The following BDNF variants were observed in gnomAD, a reference collection of about 807,000 sequenced individuals.
BDNF encodes brain derived neurotrophic factor.
In BDNF, 1 loss-of-function variant was observed where a neutral mutation model predicts 19.5. That is an observed-to-expected ratio of 0.05 (90% CI 0.02 to 0.24). The LOEUF is 0.24. Ranked by LOEUF, BDNF falls within the 10% of genes least tolerant of loss-of-function variation. The pLI, the probability that BDNF is intolerant of heterozygous loss-of-function variation, is 1.00. For synonymous variants in BDNF, 100 were observed against 121.6 expected (o/e 0.82, Z 1.17); for missense variants, 195 against 317.6 (o/e 0.61, Z 2.93).
At chr11:27,678,077 A>G (rs964709386) in intron 1 of BDNF, among the ~76,000 whole-genome samples, 2 of 152,162 alleles carry the variant, frequency 1.3e-5, no homozygotes, top group African/African-American at 2.4e-5. Flanking sequence ...TATTAAGCTG[A>G]CCCTGTGAAA....
chr11:27,658,409 A>G lies in BDNF; in HGVS notation c.156T>C (p.Gly52=), dbSNP rs748122661. The G allele has an allele frequency of 1.2e-6, 2 of 1,614,130 alleles. No individual in the cohort carries two copies. The highest frequency in any genetic ancestry group is 1.7e-6 in the Non-Finnish European group (2 of 1,180,022). Residue 52 remains glycine (G), a synonymous_variant, in exon 2 of 2, where the codon GGT becomes GGC. Coordinates refer to ENST00000356660, the MANE Select transcript of BDNF (RefSeq NM_001709.5). This position sits in a 1 kb window ranked among gnomAD's most constrained non-coding sequence, Gnocchi z 5.7. ...TLESVNGPKA[G]SRGLTSLADT... The stretch of plus-strand genomic sequence containing the variant: ...CAGCCAATGATGTCAAGCCTCTTGA[A>G]CCTGCCTTGGGCCCATTCACGCTCT...
chr11:27,691,119 C>A (rs1475628155), intron 1 of BDNF: 1 of 152,102 alleles, frequency 6.6e-6, no homozygotes, highest in Non-Finnish European at 1.5e-5. Context: ...GGATAAAGAA[C>A]TTCAATCTTT....
rs61227267 is a variant in BDNF at position 27,716,456 on chromosome 11, GAC to G, written c.3+4954_3+4955del. Among the ~76,000 whole-genome samples the G allele has an allele frequency of 8.6e-3, 1,266 of 146,910 alleles. 9 individuals are homozygous for G. Among genetic ancestry groups the G allele is most frequent in the African/African-American group, 0.023 (893 of 39,470 alleles). On this transcript the variant is annotated intron_variant, in intron 1 of 1. Coordinates refer to the BDNF transcript ENST00000314915. ...ACACGCCCATACACACACACACACA[GAC>G]ACACACACACACACACACACACACA...
chr11:27,701,111 T>A (rs1859873893), upstream of BDNF: 1 of 1,299,512 alleles, frequency 7.7e-7, no homozygotes. Flanking sequence ...TCTCTAGAGT[T>A]TGCCTAATAG....
rs1004468797 is a variant in BDNF at position 27,681,583 on chromosome 11, G to GA, written c.-22+18580dup. ...GTAGAATTCAGATGAATAAACAGCA[G>GA]AAAAAATCATTAATAAACACATGAG... is the stretch of plus-strand genomic sequence containing the variant. On this transcript the variant is annotated intron_variant, in intron 1 of 1. Transcript: ENST00000356660. 2.0e-5 allele frequency among the ~76,000 whole-genome samples: 3 copies of GA among 152,056 alleles called. 1 individual carries two copies. The highest frequency in any genetic ancestry group is 6.6e-5 in the Admixed American group (1 of 15,256).
intron 1 of BDNF, among the ~76,000 whole-genome samples, chr11:27,687,437 GT>G (rs879854600): frequency 6.6e-6 from 1 of 152,168 alleles, no homozygotes; most frequent in Non-Finnish European, 1.5e-5. Context: ...TCTCCATCCA[GT>G]TTTGTTCCCT....
chr11:27,684,176 G>A (rs1564971569), intron 1 of BDNF, among the ~76,000 whole-genome samples: 3 of 152,124 alleles, frequency 2.0e-5, no homozygotes. Flanking sequence ...AATTGTGAAT[G>A]GGAGTTCACT....
chr11:27,662,164 C>G (rs1473577763), intron 1 of BDNF, among the ~76,000 whole-genome samples: 5 of 152,074 alleles, frequency 3.3e-5, no homozygotes, highest in African/African-American at 1.2e-4. Context: ...CCATGCCCGG[C>G]TAATTTTTGT....
chr11:27,686,496 T>C (rs1414519387), intron 1 of BDNF, among the ~76,000 whole-genome samples: 7 of 152,232 alleles, frequency 4.6e-5, no homozygotes, highest in African/African-American at 1.4e-4. Flanking sequence ...ATAGTTTCAA[T>C]GGTCTTTACA....
chr11:27,708,463 A>G (rs527943718), intron 1 of BDNF, among the ~76,000 whole-genome samples: 20 of 152,344 alleles, frequency 1.3e-4, no homozygotes, highest in African/African-American at 4.1e-4. Context: ...AGTTTGACAT[A>G]TTCTTGACTA....
upstream of BDNF, among the ~76,000 whole-genome samples, chr11:27,704,249 T>A (rs569594785): frequency 2.0e-4 from 30 of 152,346 alleles, 1 homozygote; most frequent in South Asian, 6.0e-3. Flanking sequence ...GGCTTAAAAA[T>A]TAATTGTGAA....
Position 27,657,798 on chromosome 11 carries a change from C to G in BDNF, c.*23G>C, listed in dbSNP as rs778185724. ...TAGATAATTTTTGTCTCAATATAATCTAATCTATACAACATAAATCCACTA... is the reference window on the plus strand; with the variant it reads ...TAGATAATTTTTGTCTCAATATAATGTAATCTATACAACATAAATCCACTA... On this transcript the variant is annotated 3_prime_UTR_variant, in exon 2 of 2. Transcript: ENST00000356660. The surrounding 1 kb of genome is among the most constrained non-coding windows in gnomAD (Gnocchi z 5.0). 3 of 1,610,490 alleles carry G rather than the reference C, an allele frequency of 1.9e-6. No individual in the cohort carries two copies. In the South Asian group the frequency reaches 3.3e-5, roughly 18 times the overall value.
chr11:27,701,392 T>A (rs2134090473), upstream of BDNF: 1 of 1,034,402 alleles, frequency 9.7e-7, no homozygotes, highest in African/African-American at 1.7e-5. Flanking sequence ...TTTTTCACGT[T>A]CCCTTCGCTT....
intron 1 of BDNF, among the ~76,000 whole-genome samples, chr11:27,682,786 A>G (rs927513559): frequency 6.6e-6 from 1 of 151,942 alleles, no homozygotes; most frequent in Admixed American, 6.6e-5. Context: ...TGTGTGTCAC[A>G]TTTTCTTTAT....
chr11:27,696,574 AGTTTG>A (rs1270337975), intron 1 of BDNF: 1 of 150,128 alleles, frequency 6.7e-6, no homozygotes, highest in Non-Finnish European at 1.5e-5. Flanking sequence ...TGCAATTCAC[AGTTTG>A]AGATCACAGA....
Position 27,658,272 on chromosome 11 carries a change from C to T in BDNF, c.293G>A (p.Ser98Asn), listed in dbSNP as rs141477239. Reference sequence around the variant, plus strand: ...AAGAGGAGGCTCCAAAGGCACTTGACTACTGAGCATCACCCTGGACGTGTA... The same window carrying T: ...AAGAGGAGGCTCCAAAGGCACTTGATTACTGAGCATCACCCTGGACGTGTA... ...DLYTSRVMLS[S>N]QVPLEPPLLF... Residue 98 changes from serine (S) to asparagine (N), a missense_variant, in exon 2 of 2, where the codon AGT becomes AAT. By Grantham distance (46) the Ser-to-Asn change is conservative. This residue lies in a region of BDNF where 124 missense variants were observed against 155.0 expected (regional missense o/e 0.80). Coordinates refer to ENST00000356660, the MANE Select transcript of BDNF (RefSeq NM_001709.5). This position sits in a 1 kb window ranked among gnomAD's most constrained non-coding sequence, Gnocchi z 5.7. 10 of 1,613,956 alleles carry T rather than the reference C, an allele frequency of 6.2e-6. No homozygotes were observed. Among genetic ancestry groups the T allele is most frequent in the Non-Finnish European group, 8.5e-6 (10 of 1,180,044 alleles).
chr11:27,657,087 G>T lies in BDNF; in HGVS notation c.*734C>A. On this transcript the variant is annotated 3_prime_UTR_variant, in exon 2 of 2. Coordinates refer to ENST00000356660, the MANE Select transcript of BDNF (RefSeq NM_001709.5). This position sits in a 1 kb window ranked among gnomAD's most constrained non-coding sequence, Gnocchi z 5.0. ...GGATGTGGAGTGTGAGCATTTTTTTGTTCAGTTGCCTTAATTTTTATTCAC... is the reference window on the plus strand; with the variant it reads ...GGATGTGGAGTGTGAGCATTTTTTTTTTCAGTTGCCTTAATTTTTATTCAC... The T allele has an allele frequency of 1.0e-6, 1 of 985,514 alleles. No homozygotes were observed. The highest frequency in any genetic ancestry group is 1.2e-6 in the Non-Finnish European group (1 of 829,914). 61.0% of individuals were successfully genotyped at this position (985,514 alleles called of 1,614,324 possible). A position where few individuals can be genotyped will look rare whatever the true frequency, so the allele number is the denominator to read the frequency against.
chr11:27,658,176 G>T lies in BDNF; in HGVS notation c.389C>A (p.Ser130Tyr). The T allele has an allele frequency of 6.2e-7, 1 of 1,614,158 alleles. No homozygotes were observed. Among genetic ancestry groups the T allele is most frequent in the Non-Finnish European group, 8.5e-7 (1 of 1,180,034 alleles). ...ANMSMRVRRHSDPARRGELSV... is the reference protein window; with the variant it reads ...ANMSMRVRRHYDPARRGELSV... ...CAGCTCCCCTCGGCGGGCAGGGTCA[G>T]AGTGGCGCCGGACCCTCATGGACAT... is the stretch of plus-strand genomic sequence containing the variant. The change falls in exon 2 of 2, where the codon TCT (serine) becomes TAT (tyrosine). Residue 130 changes from serine (S) to tyrosine (Y), a missense_variant. By Grantham distance (144) the Ser-to-Tyr change is moderately radical. This residue lies in a region of BDNF where 71 missense variants were observed against 162.6 expected (regional missense o/e 0.44). Coordinates refer to ENST00000356660, the MANE Select transcript of BDNF (RefSeq NM_001709.5). This position sits in a 1 kb window ranked among gnomAD's most constrained non-coding sequence, Gnocchi z 5.7.
upstream of BDNF, among the ~76,000 whole-genome samples, chr11:27,705,105 G>T (rs1032767673): frequency 1.2e-4 from 18 of 152,138 alleles, no homozygotes; most frequent in African/African-American, 4.3e-4. Flanking sequence ...AAACATATGA[G>T]AAATATCAAC....
Sources: gnomAD v4.1 joint callset for allele counts (sites outside exome capture counted in the v4.1 genomes callset) on GRCh38, gnomAD v4.1.1 for gene constraint, gnomAD v4.1.1 regional missense constraint, Gnocchi (gnomAD v3.1) non-coding constraint, MANE v1.5 for transcripts, NCBI Gene and HGNC (gene_info 2026-07-23, HGNC 2026-07-21) for gene names.